The following MMP16 variants were observed in gnomAD, a reference collection of about 807,000 sequenced individuals.
MMP16 encodes the protein matrix metalloproteinase-16.
A neutral mutation model predicts 67.8 loss-of-function variants in MMP16; 12 were observed. The ratio of observed to expected loss-of-function variants is 0.18; its 90% CI spans 0.11 to 0.29. MMP16 has a LOEUF of 0.29. Ranked by LOEUF, MMP16 falls within the 10% of genes least tolerant of loss-of-function variation. MMP16 has a pLI of 1.00. For missense variants in MMP16, 475 were observed against 765.7 expected (o/e 0.62, Z 4.48); for synonymous variants, 249 against 255.9 (o/e 0.97, Z 0.26).
intron 1 of MMP16, among the ~76,000 whole-genome samples, chr8:88,259,971 T>G (rs2129945230): frequency 6.6e-6 from 1 of 152,250 alleles, no homozygotes; most frequent in East Asian, 1.9e-4. Context: ...ACCCCCCAAA[T>G]TTTACTTATT....
chr8:88,148,757 T>C (rs1808339580), intron 4 of MMP16, among the ~76,000 whole-genome samples: 1 of 152,206 alleles, frequency 6.6e-6, no homozygotes, highest in Non-Finnish European at 1.5e-5. Context: ...CTCTGGAATA[T>C]TTTGTCTTCC....
chr8:88,130,921 G>T (rs145645865), intron 4 of MMP16, among the ~76,000 whole-genome samples: 4 of 151,822 alleles, frequency 2.6e-5, no homozygotes, highest in Non-Finnish European at 5.9e-5. Context: ...ACTTAAAAAT[G>T]TATTAGAAAT....
At chr8:88,210,042 C>T (rs912657209) in intron 1 of MMP16, among the ~76,000 whole-genome samples, 8 of 152,080 alleles carry the variant, frequency 5.3e-5, no homozygotes, top group Non-Finnish European at 8.8e-5. Context: ...AGTGAGTATA[C>T]TACAAGAAGT....
intron 1 of MMP16, among the ~76,000 whole-genome samples, chr8:88,203,189 C>T (rs538047222): frequency 4.4e-4 from 65 of 148,818 alleles, no homozygotes; most frequent in African/African-American, 1.2e-3. Flanking sequence ...CTTCAACCTC[C>T]GTCACCCGGG....
intron 8 of MMP16, among the ~76,000 whole-genome samples, chr8:88,050,646 T>C (rs1250403233): frequency 2.0e-5 from 3 of 152,224 alleles, no homozygotes; most frequent in Admixed American, 6.5e-5. Context: ...TTGGGTATCA[T>C]ATTATTCAAA....
At chr8:88,205,008 T>C (rs1028541916) in intron 1 of MMP16, among the ~76,000 whole-genome samples, 24 of 152,188 alleles carry the variant, frequency 1.6e-4, no homozygotes, top group Admixed American at 1.3e-4. Context: ...ATCTGTTCTT[T>C]GGTCACATTG....
intron 1 of MMP16, among the ~76,000 whole-genome samples, chr8:88,274,045 GAGA>G (rs1156379535): frequency 2.0e-5 from 3 of 152,072 alleles, no homozygotes; most frequent in Non-Finnish European, 4.4e-5. Context: ...TTTATGGGAA[GAGA>G]AGAAGGTATA....
chr8:88,154,894 A>T (rs1031235307), intron 4 of MMP16, among the ~76,000 whole-genome samples: 3 of 152,050 alleles, frequency 2.0e-5, no homozygotes, highest in Non-Finnish European at 4.4e-5. Flanking sequence ...AAAAAAAAGA[A>T]ATACGTGTAT....
At chr8:88,201,219 A>G (rs1809340014) in intron 1 of MMP16, among the ~76,000 whole-genome samples, 1 of 151,632 alleles carries the variant, frequency 6.6e-6, no homozygotes, top group Non-Finnish European at 1.5e-5. Flanking sequence ...GGGCTAGAAG[A>G]GATACATTTT....
intron 1 of MMP16, among the ~76,000 whole-genome samples, chr8:88,303,925 G>A (rs534101667): frequency 1.5e-4 from 23 of 152,236 alleles, no homozygotes; most frequent in African/African-American, 2.2e-4. Flanking sequence ...CAGCAAAGGC[G>A]CAGAACTGGG....
chr8:88,308,295 T>C (rs770138241), intron 1 of MMP16, among the ~76,000 whole-genome samples: 15 of 152,074 alleles, frequency 9.9e-5, no homozygotes, highest in Non-Finnish European at 1.6e-4. Context: ...GGACCTTTTG[T>C]TAATTATGAG....
chr8:88,108,555 C>T (rs1215511741), intron 6 of MMP16, among the ~76,000 whole-genome samples: 1 of 151,196 alleles, frequency 6.6e-6, no homozygotes, highest in Admixed American at 6.6e-5. Flanking sequence ...AGCATCCATC[C>T]TGAAAAACTG....
intron 1 of MMP16, among the ~76,000 whole-genome samples, chr8:88,222,184 T>A (rs1347222687): frequency 3.9e-5 from 6 of 151,942 alleles, no homozygotes; most frequent in African/African-American, 1.5e-4. Flanking sequence ...GAATCTTGTT[T>A]TTAGGAGTGC....
At chr8:88,085,006 T>A (rs1232309250) in intron 6 of MMP16, among the ~76,000 whole-genome samples, 3 of 151,936 alleles carry the variant, frequency 2.0e-5, no homozygotes, top group Admixed American at 6.6e-5. Flanking sequence ...GGGTAATATA[T>A]GCTTCATTTG....
At chr8:88,248,212 T>C (rs1357933282) in intron 1 of MMP16, among the ~76,000 whole-genome samples, 1 of 151,990 alleles carries the variant, frequency 6.6e-6, no homozygotes, top group East Asian at 1.9e-4. Flanking sequence ...GCAAAATTAA[T>C]GGATGCAAGC....
intron 2 of MMP16, among the ~76,000 whole-genome samples, chr8:88,190,677 ATATAAC>A (rs1385119981): frequency 6.6e-6 from 1 of 152,208 alleles, no homozygotes; most frequent in African/African-American, 2.4e-5. Flanking sequence ...AAACAGGAAT[ATATAAC>A]TATATCTATA....
intron 6 of MMP16, among the ~76,000 whole-genome samples, chr8:88,105,562 A>G (rs1294727468): frequency 6.6e-6 from 1 of 151,470 alleles, no homozygotes; most frequent in Non-Finnish European, 1.5e-5. Context: ...TTTGGAACCA[A>G]ATGTCAAGCA....
chr8:88,183,424 G>A (rs1243181168), intron 3 of MMP16, among the ~76,000 whole-genome samples: 1 of 152,050 alleles, frequency 6.6e-6, no homozygotes, highest in Non-Finnish European at 1.5e-5. Context: ...GACTATATTT[G>A]TTAATTATTT....
intron 1 of MMP16, among the ~76,000 whole-genome samples, chr8:88,289,811 A>C (rs1033640491): frequency 6.6e-6 from 1 of 152,038 alleles, no homozygotes; most frequent in African/African-American, 2.4e-5. Context: ...AAAAAGGAAA[A>C]AAAAATTCAC....
Sources: gnomAD v4.1 joint callset for allele counts (sites outside exome capture counted in the v4.1 genomes callset) on GRCh38, gnomAD v4.1.1 for gene constraint, MANE v1.5 for transcripts, NCBI Gene and HGNC (gene_info 2026-07-23, HGNC 2026-07-21) for gene names.